CENPW: variants seen among roughly 807,000 people sequenced by gnomAD.
CENPW encodes centromere protein W.
Under a neutral mutation model 11.1 loss-of-function variants are expected in CENPW, and 3 were observed. The observed-to-expected ratio is 0.27, with a 90% CI of 0.12 to 0.70. The LOEUF is 0.70. CENPW is among the 30% of genes least tolerant of loss of function. CENPW has a pLI of 0.77. For missense variants in CENPW, 100 were observed against 105.6 expected, an observed-to-expected ratio of 0.95 and a Z score of 0.23; for synonymous variants, 38 against 42.0, an observed-to-expected ratio of 0.91 and a Z score of 0.37.
At chr6:126,474,644 T>C in the CENPW span, among the ~76,000 whole-genome samples, 5 of 152,132 alleles carry the variant, frequency 3.3e-5, no homozygotes, top group Non-Finnish European at 4.4e-5. Context: ...CAGAATATTT[T>C]ATCACCCTTT....
the CENPW span, among the ~76,000 whole-genome samples, chr6:126,367,149 A>C: frequency 1.3e-5 from 2 of 152,142 alleles, no homozygotes; most frequent in African/African-American, 4.8e-5. Context: ...AATTTTAAGA[A>C]TCAGAGTCAT....
the CENPW span, among the ~76,000 whole-genome samples, chr6:126,399,901 A>C: frequency 2.2e-4 from 33 of 152,030 alleles, no homozygotes; most frequent in Non-Finnish European, 4.1e-4. Flanking sequence ...AAATTTATAA[A>C]AACAGAATCC....
At chr6:126,377,641 G>C in the CENPW span, among the ~76,000 whole-genome samples, 1 of 152,066 alleles carries the variant, frequency 6.6e-6, no homozygotes, top group Non-Finnish European at 1.5e-5. Flanking sequence ...AAAAAACTCA[G>C]ACTTTTAAGA....
the CENPW span, among the ~76,000 whole-genome samples, chr6:126,419,347 T>C: frequency 1.3e-5 from 2 of 152,190 alleles, 1 homozygote; most frequent in East Asian, 3.9e-4. Flanking sequence ...TCTAGGGAGA[T>C]AATTCTTTGA....
chr6:126,426,295 G>A, the CENPW span, among the ~76,000 whole-genome samples: 1 of 152,262 alleles, frequency 6.6e-6, no homozygotes, highest in African/African-American at 2.4e-5. Context: ...ATAATTTGTA[G>A]TTGTGGCTGC....
the CENPW span, among the ~76,000 whole-genome samples, chr6:126,408,885 T>G: frequency 6.6e-6 from 1 of 152,060 alleles, no homozygotes; most frequent in Non-Finnish European, 1.5e-5. Context: ...AAGTAAAGAC[T>G]GTCAATGTCG....
chr6:126,369,096 G>A, the CENPW span, among the ~76,000 whole-genome samples: 1 of 137,592 alleles, frequency 7.3e-6, no homozygotes, highest in African/African-American at 2.6e-5. Context: ...TTCCATCCAG[G>A]TTGCTGCAAA....
the CENPW span, among the ~76,000 whole-genome samples, chr6:126,406,438 C>CT: frequency 3.8e-4 from 57 of 151,796 alleles, no homozygotes; most frequent in African/African-American, 1.3e-3. Flanking sequence ...CTTTTTCTTT[C>CT]TTTTTTTAAA....
chr6:126,342,173 T>G (rs1780326026), intron 1 of CENPW, among the ~76,000 whole-genome samples: 1 of 152,150 alleles, frequency 6.6e-6, no homozygotes, highest in African/African-American at 2.4e-5. Context: ...AAACTACACC[T>G]GAAAGTTATT....
At chr6:126,444,514 T>C in the CENPW span, among the ~76,000 whole-genome samples, 2 of 151,190 alleles carry the variant, frequency 1.3e-5, no homozygotes, top group African/African-American at 4.8e-5. Context: ...GGTTTAGTCA[T>C]CATTTCTGAA....
At chr6:126,401,537 T>C in the CENPW span, among the ~76,000 whole-genome samples, 1 of 151,964 alleles carries the variant, frequency 6.6e-6, no homozygotes, top group African/African-American at 2.4e-5. Context: ...TCTTTGGGGA[T>C]TTCTAATGGT....
chr6:126,343,272 A>G lies in CENPW; in HGVS notation c.126+2873A>G, dbSNP rs1290145306. On this transcript the variant is annotated intron_variant, in intron 1 of 2. Transcript: ENST00000368328. ...TAACTTTTGTTCTGACCATTTTAAT[A>G]TAAGCCTTAGCGCATTGGAGTAGTA... is the stretch of plus-strand genomic sequence containing the variant. 2.0e-5 allele frequency among the ~76,000 whole-genome samples: 3 copies of G among 152,254 alleles called. No individual in the cohort carries two copies. In the East Asian group the frequency reaches 5.8e-4, roughly 29 times the overall value.
At chr6:126,480,685 T>G in the CENPW span, among the ~76,000 whole-genome samples, 3 of 152,024 alleles carry the variant, frequency 2.0e-5, no homozygotes, top group African/African-American at 7.2e-5. Flanking sequence ...GGAATGACTC[T>G]TTTGTGGTAG....
chr6:126,342,100 C>T (rs1007146649), intron 1 of CENPW, among the ~76,000 whole-genome samples: 1 of 152,186 alleles, frequency 6.6e-6, no homozygotes, highest in African/African-American at 2.4e-5. Context: ...TTTCTGCTCA[C>T]CTTTGACACT....
At chr6:126,452,476 C>T in the CENPW span, among the ~76,000 whole-genome samples, 1 of 150,926 alleles carries the variant, frequency 6.6e-6, no homozygotes, top group South Asian at 2.1e-4. Context: ...AGAGTAGCAA[C>T]AACAACAAAC....
chr6:126,422,712 T>C, the CENPW span, among the ~76,000 whole-genome samples: 1 of 152,120 alleles, frequency 6.6e-6, no homozygotes, highest in East Asian at 1.9e-4. Flanking sequence ...GCCTTCACTC[T>C]AACTCACAGA....
At chr6:126,479,695 G>A in the CENPW span, among the ~76,000 whole-genome samples, 1 of 151,820 alleles carries the variant, frequency 6.6e-6, no homozygotes, top group Non-Finnish European at 1.5e-5. Context: ...TTTACATTTG[G>A]ATCTTTAATT....
At chr6:126,441,866 G>A in the CENPW span, among the ~76,000 whole-genome samples, 2 of 151,488 alleles carry the variant, frequency 1.3e-5, no homozygotes, top group African/African-American at 4.8e-5. Flanking sequence ...ATGAGTATTC[G>A]GGCTGATTCC....
the CENPW span, among the ~76,000 whole-genome samples, chr6:126,417,565 T>C: frequency 6.6e-6 from 1 of 152,150 alleles, no homozygotes; most frequent in Non-Finnish European, 1.5e-5. Context: ...GGTGTGGGTC[T>C]TTCCTGTGCT....
Sources: gnomAD v4.1 joint callset for allele counts (sites outside exome capture counted in the v4.1 genomes callset) on GRCh38, gnomAD v4.1.1 for gene constraint, MANE v1.5 for transcripts, NCBI Gene and HGNC (gene_info 2026-07-23, HGNC 2026-07-21) for gene names.